The following ZEB2 variants were observed in gnomAD, a reference collection of about 807,000 sequenced individuals.
ZEB2 encodes the protein zinc finger E-box-binding homeobox 2.
In ZEB2, 6 loss-of-function variants were observed where a neutral mutation model predicts 99.9. The observed-to-expected ratio is 0.06, with a 90% CI of 0.03 to 0.12. The LOEUF (loss-of-function observed/expected upper bound fraction) is 0.12, where lower values mean the gene tolerates loss of function less well. ZEB2 is among the 10% of genes least tolerant of loss of function. The pLI is 1.00. For synonymous variants in ZEB2, 517 were observed against 542.5 expected (o/e 0.95, Z 0.65); for missense variants, 969 against 1,502.8 (o/e 0.64, Z 5.87).
chr2:144,479,647 G>C (rs1252216765), intron 2 of ZEB2, among the ~76,000 whole-genome samples: 1 of 122,380 alleles, frequency 8.2e-6, no homozygotes, highest in Non-Finnish European at 1.6e-5. Flanking sequence ...GAGTGTGTTT[G>C]CCATACTCTT....
In ZEB2 at chr2:144,386,188, G is replaced by A. The variant is rs1030983124; in HGVS notation, c.*3263C>T. 6.6e-6 allele frequency: 1 copy of A among 152,192 alleles called. No homozygotes were observed. Among genetic ancestry groups the A allele is most frequent in the Non-Finnish European group, 1.5e-5 (1 of 68,032 alleles). 9.4% of individuals were successfully genotyped at this position (152,192 alleles called of 1,614,324 possible). Reference sequence around the variant, plus strand: ...GGAAAGGTTAGATTTAGAACTAAGCGTGTGGGAAGAGTAAGTAGTTGATAA... The same window carrying A: ...GGAAAGGTTAGATTTAGAACTAAGCATGTGGGAAGAGTAAGTAGTTGATAA... On this transcript the variant is annotated 3_prime_UTR_variant, in exon 10 of 10. Transcript: ENST00000627532.
At chr2:144,513,767 C>T (rs1258136633) in intron 2 of ZEB2, 2 of 1,536,076 alleles carry the variant, frequency 1.3e-6, no homozygotes, top group South Asian at 1.2e-5. Flanking sequence ...AGGGCATCTC[C>T]CGCTCCGAGT....
intron 2 of ZEB2, among the ~76,000 whole-genome samples, chr2:144,485,209 T>C (rs1704576969): frequency 6.6e-6 from 1 of 152,234 alleles, no homozygotes; most frequent in African/African-American, 2.4e-5. Flanking sequence ...ATGAGTATAG[T>C]TGAAATCCTG....
chr2:144,400,005 T>C lies in ZEB2; in HGVS notation c.1182A>G (p.Pro394=), dbSNP rs762006325. 1 of 1,614,204 alleles carries C rather than the reference T, an allele frequency of 6.2e-7. No individual in the cohort carries two copies. Among genetic ancestry groups the C allele is most frequent in the Non-Finnish European group, 8.5e-7 (1 of 1,180,024 alleles). ...GAACTTTATAGTCATTGAAGTCTAG[T>C]GGTTCTGTTTTAATTTTAAGTAAGC... The part of the protein sequence containing the change: ...QTGLLKIKTE[P]LDFNDYKVLM... Residue 394 remains proline, a synonymous_variant, in exon 8 of 10, where the codon CCA becomes CCG. Coordinates refer to ENST00000627532, the MANE Select transcript of ZEB2 (RefSeq NM_014795.4).
intron 3 of ZEB2, chr2:144,428,556 C>T (rs994171711): frequency 6.6e-6 from 1 of 152,022 alleles, no homozygotes; most frequent in South Asian, 2.1e-4. Context: ...AAACCTTCAC[C>T]GAAAGCAAAA....
chr2:144,468,200 C>G (rs1212939876), intron 2 of ZEB2, among the ~76,000 whole-genome samples: 1 of 152,038 alleles, frequency 6.6e-6, no homozygotes, highest in Non-Finnish European at 1.5e-5. Flanking sequence ...AAATGTATAG[C>G]TGCAGAAGAA....
At chr2:144,478,530 G>A (rs1374218918) in intron 2 of ZEB2, among the ~76,000 whole-genome samples, 1 of 152,150 alleles carries the variant, frequency 6.6e-6, no homozygotes, top group Non-Finnish European at 1.5e-5. Flanking sequence ...GTTTTGTGGT[G>A]GCTACCAAGT....
intron 4 of ZEB2, among the ~76,000 whole-genome samples, chr2:144,417,059 C>T (rs934804752): frequency 2.0e-5 from 3 of 152,156 alleles, no homozygotes; most frequent in Admixed American, 6.5e-5. Flanking sequence ...TTTATTCACC[C>T]GGATGAATGT....
chr2:144,485,351 T>C (rs965451717), intron 2 of ZEB2, among the ~76,000 whole-genome samples: 5 of 152,230 alleles, frequency 3.3e-5, no homozygotes, highest in East Asian at 3.8e-4. Context: ...ATTAGTATTA[T>C]CATTTAATTC....
rs1187667202 is a variant in ZEB2, at chr2:144,517,566, G to GC, written c.-69-148dup. 9.0e-6 allele frequency: 4 copies of GC among 444,974 alleles called. No homozygotes were observed. In the African/African-American group the frequency reaches 1.4e-4, roughly 16 times the overall value. The allele number at this position is 444,974 out of a possible 1,614,324, so 27.6% of individuals were successfully genotyped here. ...GCGAAACTTCGGCGGCCCCCTCCCC[G>GC]CCCCCCACCCCCAGCCTTGGCCCCG... On this transcript the variant is annotated intron_variant, in intron 1 of 9. Transcript: ENST00000627532.
rs996577839 is a variant in ZEB2, at chr2:144,505,515, C to T, written c.73+11763G>A. On this transcript the variant is annotated intron_variant, in intron 2 of 9. Coordinates refer to ENST00000627532, the MANE Select transcript of ZEB2 (RefSeq NM_014795.4). ...ATCAACAATTACTCACCACTGACAC[C>T]TTAAAAAATCCTGGGCACCTCTATA... Among the ~76,000 whole-genome samples the T allele has an allele frequency of 4.6e-5, 7 of 152,290 alleles. No individual in the cohort carries two copies. The East Asian group carries it at 1.4e-3, about 29-fold the overall frequency.
chr2:144,499,497 G>A (rs1376417227), intron 2 of ZEB2, among the ~76,000 whole-genome samples: 3 of 152,044 alleles, frequency 2.0e-5, no homozygotes, highest in African/African-American at 7.2e-5. Context: ...TTGTTGAAAG[G>A]AAAGATGACA....
chr2:144,450,067 C>T (rs966573033), intron 2 of ZEB2: 10 of 151,910 alleles, frequency 6.6e-5, no homozygotes, highest in African/African-American at 2.4e-4. Context: ...GGAATTAATA[C>T]ATTGTATTAC....
intron 2 of ZEB2, among the ~76,000 whole-genome samples, chr2:144,452,297 A>C (rs1018267996): frequency 6.6e-6 from 1 of 152,114 alleles, no homozygotes; most frequent in Admixed American, 6.5e-5. Context: ...AATCTGTATG[A>C]TAATTCTCTC....
At chr2:144,517,222 C>G (rs950433733) in intron 2 of ZEB2, 56 bp downstream of exon 2, 1 of 1,608,084 alleles carries the variant, frequency 6.2e-7, no homozygotes, top group African/African-American at 1.3e-5. Flanking sequence ...CCTCCTTCTC[C>G]CTGGGTCTCG....
intron 2 of ZEB2, among the ~76,000 whole-genome samples, chr2:144,466,549 A>G (rs1344537195): frequency 1.3e-5 from 2 of 152,200 alleles, no homozygotes; most frequent in Non-Finnish European, 2.9e-5. Flanking sequence ...TGTTCTCATT[A>G]TACCAAGAAT....
intron 2 of ZEB2, among the ~76,000 whole-genome samples, chr2:144,434,733 G>A (rs921939744): frequency 7.2e-5 from 11 of 152,068 alleles, no homozygotes; most frequent in Non-Finnish European, 4.4e-5. Flanking sequence ...AGTTATAGAA[G>A]CCTACCAATT....
chr2:144,472,193 TTCA>T (rs3073687), intron 2 of ZEB2, among the ~76,000 whole-genome samples: 6,852 of 151,206 alleles, frequency 0.045, 200 homozygotes, highest in African/African-American at 0.08. Context: ...TCATGTTTTC[TTCA>T]TCATCATCAT....
intron 2 of ZEB2, among the ~76,000 whole-genome samples, chr2:144,433,196 AT>A (rs1326360078): frequency 6.6e-6 from 1 of 152,172 alleles, no homozygotes; most frequent in Non-Finnish European, 1.5e-5. Flanking sequence ...ATAGACACTA[AT>A]TTTACATCTG....
Sources: gnomAD v4.1 joint callset for allele counts (sites outside exome capture counted in the v4.1 genomes callset) on GRCh38, gnomAD v4.1.1 for gene constraint, MANE v1.5 for transcripts, NCBI Gene and HGNC (gene_info 2026-07-23, HGNC 2026-07-21) for gene names.